MTSS1: variants seen among roughly 807,000 people sequenced by gnomAD.
MTSS1 encodes protein MTSS 1.
A neutral mutation model predicts 79.0 loss-of-function variants in MTSS1; 18 were observed. The ratio of observed to expected loss-of-function variants is 0.23; its 90% CI spans 0.16 to 0.34. The LOEUF is 0.34. Ranked by LOEUF, MTSS1 falls within the 10% of genes least tolerant of loss-of-function variation. MTSS1 has a pLI of 1.00. For missense variants in MTSS1, 815 were observed against 986.2 expected, an observed-to-expected ratio of 0.83 and a Z score of 2.33; for synonymous variants, 341 against 368.6, an observed-to-expected ratio of 0.93 and a Z score of 0.86.
chr8:124,659,142 T>C (rs181544785), intron 3 of MTSS1, among the ~76,000 whole-genome samples: 2 of 151,190 alleles, frequency 1.3e-5, no homozygotes, highest in African/African-American at 4.9e-5. Context: ...GTTAAGAACC[T>C]GAGATATAAC....
intron 1 of MTSS1, among the ~76,000 whole-genome samples, chr8:124,711,611 A>G (rs1831177951): frequency 6.6e-6 from 1 of 152,192 alleles, no homozygotes; most frequent in Admixed American, 6.5e-5. Flanking sequence ...GCAGAAGAGG[A>G]CAAGGGTGCC....
chr8:124,644,827 C>CAGTA (rs10651091), intron 3 of MTSS1, among the ~76,000 whole-genome samples: 46,095 of 150,126 alleles, frequency 0.31, 9,630 homozygotes, highest in African/African-American at 0.6. Context: ...GATTATGATT[C>CAGTA]AGTATAAGAG....
chr8:124,705,898 C>G (rs759031092), intron 1 of MTSS1, among the ~76,000 whole-genome samples: 1 of 152,186 alleles, frequency 6.6e-6, no homozygotes, highest in East Asian at 1.9e-4. Context: ...TCCCCCACCC[C>G]CTATTTGGGA....
At position 124,683,510 on chromosome 8, in the gene MTSS1, G is replaced by A. The variant is rs1414235354; in HGVS notation, c.208+16016C>T. Among the ~76,000 whole-genome samples, 1 of 152,172 alleles carries A rather than the reference G, an allele frequency of 6.6e-6. No individual in the cohort carries two copies. Among genetic ancestry groups the A allele is most frequent in the African/African-American group, 2.4e-5 (1 of 41,450 alleles). ...CTCTGACACCCTGGAAAGGAACTCAGAAACACAGGTGTCTCTCCAGACTAG... is the reference window on the plus strand; with the variant it reads ...CTCTGACACCCTGGAAAGGAACTCAAAAACACAGGTGTCTCTCCAGACTAG... On this transcript the variant is annotated intron_variant, in intron 3 of 13. Transcript: ENST00000518547. This position sits in a 1 kb window ranked among gnomAD's most constrained non-coding sequence, Gnocchi z 4.5.
chr8:124,710,771 C>G (rs1425932646), intron 1 of MTSS1, among the ~76,000 whole-genome samples: 1 of 152,174 alleles, frequency 6.6e-6, no homozygotes. Flanking sequence ...GCCACTGGGA[C>G]AGCTGAGGGA....
chr8:124,727,896 G>A lies in MTSS1; in HGVS notation c.60C>T (p.Ile20=). The A allele has an allele frequency of 6.2e-7, 1 of 1,604,154 alleles. No individual in the cohort carries two copies. The highest frequency in any genetic ancestry group is 8.5e-7 in the Non-Finnish European group (1 of 1,176,668). ...CCCGGCGTCCTACCTTCATGTCGCT[G>A]ATGATGGTCTGGAAGAGGCCTCCGA... is the stretch of plus-strand genomic sequence containing the variant. The part of the protein sequence containing the change: ...SALGGLFQTI[I]SDMKGSYPVW... Residue 20 remains isoleucine (I), a synonymous_variant, in exon 1 of 14, where the codon ATC becomes ATT. Transcript: ENST00000518547. The surrounding 1 kb of genome is among the most constrained non-coding windows in gnomAD (Gnocchi z 4.7).
chr8:124,664,152 C>T (rs917401893), intron 3 of MTSS1, among the ~76,000 whole-genome samples: 1 of 152,210 alleles, frequency 6.6e-6, no homozygotes, highest in Non-Finnish European at 1.5e-5. Flanking sequence ...AGGGCTACCC[C>T]CTCTCCAGTC....
chr8:124,554,030 A>AAT (rs1370939035), intron 13 of MTSS1, among the ~76,000 whole-genome samples: 1 of 152,236 alleles, frequency 6.6e-6, no homozygotes, highest in Non-Finnish European at 1.5e-5. Flanking sequence ...AAAGAAGACA[A>AAT]ATTCTCCAGT....
chr8:124,665,082 A>C (rs1822805992), intron 3 of MTSS1, among the ~76,000 whole-genome samples: 3 of 152,146 alleles, frequency 2.0e-5, no homozygotes, highest in Admixed American at 1.3e-4. Context: ...TATGAACACT[A>C]AGCTTGGAGA....
intron 3 of MTSS1, among the ~76,000 whole-genome samples, chr8:124,698,350 C>T (rs1829182030): frequency 6.6e-6 from 1 of 152,020 alleles, no homozygotes; most frequent in Non-Finnish European, 1.5e-5. Context: ...ATGAAAAGAA[C>T]AGGCCTATAG....
At chr8:124,556,551 C>G in intron 11 of MTSS1, 146 bp from the exon 12 acceptor site, 1 of 862,800 alleles carries the variant, frequency 1.2e-6, no homozygotes, top group Non-Finnish European at 1.7e-6. Context: ...CTCTGCATGC[C>G]CTCTCCAGGC....
intron 3 of MTSS1, among the ~76,000 whole-genome samples, chr8:124,685,820 C>G (rs562856751): frequency 7.0e-4 from 106 of 152,170 alleles, no homozygotes; most frequent in South Asian, 6.0e-3. Context: ...AGAAGACATT[C>G]AGGAGAAAAC....
intron 3 of MTSS1, among the ~76,000 whole-genome samples, chr8:124,605,111 G>T (rs1358127937): frequency 6.6e-6 from 1 of 152,210 alleles, no homozygotes; most frequent in African/African-American, 2.4e-5. Flanking sequence ...GTGTCTGGTT[G>T]CAACACCCTG....
chr8:124,678,417 C>A (rs1171291900), intron 3 of MTSS1, among the ~76,000 whole-genome samples: 1 of 152,148 alleles, frequency 6.6e-6, no homozygotes, highest in East Asian at 1.9e-4. Context: ...ATACCCGAGA[C>A]TGGGTAATTT....
At chr8:124,650,683 G>A (rs1374804187) in intron 3 of MTSS1, among the ~76,000 whole-genome samples, 3 of 151,936 alleles carry the variant, frequency 2.0e-5, no homozygotes, top group Admixed American at 1.3e-4. Context: ...ATCTTAGCAG[G>A]TGCGCAGGGC....
intron 1 of MTSS1, among the ~76,000 whole-genome samples, chr8:124,716,345 T>C (rs537509703): frequency 7.2e-5 from 11 of 152,218 alleles, no homozygotes; most frequent in Non-Finnish European, 1.6e-4. Flanking sequence ...GTCGAGATCA[T>C]GCTCTGCCTA....
chr8:124,628,862 C>T lies in MTSS1; in HGVS notation c.209-37627G>A, dbSNP rs192893929. 7.2e-4 allele frequency among the ~76,000 whole-genome samples: 110 copies of T among 152,308 alleles called. 2 individuals are homozygous for T. Among genetic ancestry groups the T allele is most frequent in the African/African-American group, 2.5e-3 (105 of 41,566 alleles). On this transcript the variant is annotated intron_variant, in intron 3 of 13. Coordinates refer to ENST00000518547, the MANE Select transcript of MTSS1 (RefSeq NM_014751.6). ...CTGCCATAGGTGGGTAGACCTAGGA[C>T]TCAAAGCCAGGTGGTGTCTAGCTCC...
chr8:124,605,764 T>G (rs1421484763), intron 3 of MTSS1, among the ~76,000 whole-genome samples: 1 of 152,224 alleles, frequency 6.6e-6, no homozygotes, highest in Non-Finnish European at 1.5e-5. Flanking sequence ...AAGAGGTTTC[T>G]GTACATCCCC....
intron 3 of MTSS1, among the ~76,000 whole-genome samples, chr8:124,610,760 G>A (rs1835651957): frequency 6.6e-6 from 1 of 152,150 alleles, no homozygotes; most frequent in Admixed American, 6.5e-5. Context: ...AGAAGGGAGG[G>A]AGTAATTACC....
Sources: gnomAD v4.1 joint callset for allele counts (sites outside exome capture counted in the v4.1 genomes callset) on GRCh38, gnomAD v4.1.1 for gene constraint, Gnocchi (gnomAD v3.1) non-coding constraint, MANE v1.5 for transcripts, NCBI Gene and HGNC (gene_info 2026-07-23, HGNC 2026-07-21) for gene names.